The following CROCC2 variants were observed in gnomAD, a reference collection of about 807,000 sequenced individuals.
CROCC2 encodes the protein ciliary rootlet coiled-coil protein 2.
In CROCC2, 163 loss-of-function variants were observed where a neutral mutation model predicts 177.6. The observed-to-expected ratio is 0.92, with a 90% confidence interval of 0.81 to 1.05. CROCC2 has a LOEUF of 1.05. CROCC2 is among the 50% of genes least tolerant of loss of function. The probability of loss-of-function intolerance (pLI) is 0.00; values close to 1 mark genes in which losing one functional copy is unlikely to be tolerated. For missense variants in CROCC2, 1,929 were observed against 1,797.8 expected, an observed-to-expected ratio of 1.07 and a Z score of -1.32; for synonymous variants, 904 against 787.3, an observed-to-expected ratio of 1.15 and a Z score of -2.48.
Position 240,983,145 on chromosome 2 carries a change from A to G in CROCC2, c.4551+116A>G, listed in dbSNP as rs1574797383. On this transcript the variant is annotated intron_variant, in intron 28 of 31. Transcript: ENST00000690015. ...AGTCCCTCAACATGAAGGGAGGCCT[A>G]GAGAGATGCTGGAGGCAGGTGAGCA... The G allele has an allele frequency of 6.3e-6, 7 of 1,109,900 alleles. No homozygotes were observed. In the East Asian group the frequency reaches 1.6e-4, roughly 25 times the overall value. The allele number at this position is 1,109,900 out of a possible 1,614,324, so 68.8% of individuals were successfully genotyped here. A position where few individuals can be genotyped will look rare whatever the true frequency, so the allele number is the denominator to read the frequency against.
chr2:240,959,442 G>C lies in CROCC2; in HGVS notation c.3085G>C (p.Glu1029Gln). 1 of 1,550,204 alleles carries C rather than the reference G, an allele frequency of 6.5e-7. No homozygotes were observed. The highest frequency in any genetic ancestry group is 8.7e-7 in the Non-Finnish European group (1 of 1,146,746). The change falls in exon 20 of 32, where the codon GAG becomes CAG. Residue 1029 changes from glutamate to glutamine, a missense_variant and splice_region_variant. Coordinates refer to ENST00000690015, the MANE Select transcript of CROCC2 (RefSeq NM_001351305.2). ...LAAERGDVER[E>Q]AERLRAQLTV... ...GGCTGAGCGGGGCGATGTGGAGAGA[G>C]AGGTGAGAGGCAGGGCTGGGGGGCT...
At chr2:240,968,038 C>G (rs769868650) in intron 26 of CROCC2, 91 bp from the exon 27 acceptor site, 380 of 1,271,904 alleles carry the variant, frequency 3.0e-4, no homozygotes, top group Non-Finnish European at 3.7e-4. Flanking sequence ...CACGTGGGAG[C>G]CAGTCACTCA....
At chr2:240,963,301 C>G (rs6733049) in intron 20 of CROCC2, 324,730 of 502,054 alleles carry the variant, frequency 0.65, 106,793 homozygotes, top group African/African-American at 0.79. Context: ...GAGGCCGCAG[C>G]GTGGGGCCGG....
chr2:240,961,293 ACT>A (rs1241387521), intron 20 of CROCC2, among the ~76,000 whole-genome samples: 1 of 152,012 alleles, frequency 6.6e-6, no homozygotes, highest in Admixed American at 6.5e-5. Flanking sequence ...TACACTTGAC[ACT>A]CAGAGTGGTG....
intron 27 of CROCC2, 67 bp downstream of exon 27, chr2:240,968,329 C>T: frequency 2.1e-6 from 3 of 1,440,592 alleles, no homozygotes; most frequent in Non-Finnish European, 2.7e-6. Flanking sequence ...CACCCTCACA[C>T]CCTGCAGGGA....
rs774146966 is a variant in CROCC2, at chr2:240,964,525, C to A, written c.3365C>A (p.Ala1122Glu). 1.9e-5 allele frequency: 30 copies of A among 1,549,204 alleles called. No homozygotes were observed. Among genetic ancestry groups the A allele is most frequent in the Non-Finnish European group, 2.6e-5 (30 of 1,146,886 alleles). Residue 1122 changes from alanine (A) to glutamate (E), a missense_variant, in exon 22 of 32, where the codon GCG (alanine) becomes GAG (glutamate). This residue lies in a region of CROCC2 where 1,397 missense variants were observed against 1,239.9 expected (regional missense o/e 1.13). Transcript: ENST00000690015. ...CTGCTCATCCTGGAGGAGGCCCAGG[C>A]GGCGTTGCAGCAGGAGGCCAGTGCA... The part of the protein sequence containing the change: ...QKLLILEEAQ[A>E]ALQQEASALR...
intron 5 of CROCC2, among the ~76,000 whole-genome samples, chr2:240,927,926 C>T (rs1185458431): frequency 6.6e-6 from 1 of 152,256 alleles, no homozygotes; most frequent in Non-Finnish European, 1.5e-5. Context: ...GCTGGGATTA[C>T]AGGCATGAGC....
chr2:240,910,488 T>C (rs897265214), intron 1 of CROCC2, among the ~76,000 whole-genome samples: 9 of 152,228 alleles, frequency 5.9e-5, no homozygotes, highest in Non-Finnish European at 1.3e-4. Flanking sequence ...CTTCTTCCTG[T>C]CTTTTGGATG....
intron 31 of CROCC2, among the ~76,000 whole-genome samples, chr2:240,991,682 G>T (rs1477689565): frequency 1.3e-5 from 2 of 151,822 alleles, no homozygotes; most frequent in Non-Finnish European, 2.9e-5. Flanking sequence ...GCCTGCCCCC[G>T]CCTGGCACCC....
In CROCC2 at chr2:240,934,438, A is replaced by G. The variant is rs2059454461; in HGVS notation, c.1754A>G (p.Glu585Gly). The change falls in exon 12 of 32, where the codon GAG becomes GGG. Residue 585 changes from glutamate (E) to glycine (G), a missense_variant. Glu to Gly is a moderately conservative substitution (Grantham distance 98). This residue lies in a region of CROCC2 where 1,397 missense variants were observed against 1,239.9 expected (regional missense o/e 1.13). Transcript: ENST00000690015. ...GCACAGCTGCAGCGGGATGTCGTGG[A>G]GAGTGAGAGGGAGGGACTGCGCAGC... is the stretch of plus-strand genomic sequence containing the variant. ...STAQLQRDVV[E>G]SEREGLRSAL... The G allele has an allele frequency of 1.9e-6, 3 of 1,548,398 alleles. No individual in the cohort carries two copies. The highest frequency in any genetic ancestry group is 2.6e-6 in the Non-Finnish European group (3 of 1,146,876).
rs1006383232 is a variant in CROCC2 at position 240,948,934 on chromosome 2, A to T, written c.2364-45A>T. ...AAGCTATAGAGAGCATTTTACACGC[A>T]GGATCTTGGGGATGACTTGCCCATT... On this transcript the variant is annotated intron_variant, in intron 15 of 31. Transcript: ENST00000690015. 4.6e-6 allele frequency: 7 copies of T among 1,534,606 alleles called. No individual in the cohort carries two copies. The Admixed American group carries it at 5.9e-5, about 13-fold the overall frequency.
chr2:240,942,379 TAATTAC>T (rs1159568330), intron 14 of CROCC2, among the ~76,000 whole-genome samples: 1 of 152,224 alleles, frequency 6.6e-6, no homozygotes, highest in African/African-American at 2.4e-5. Context: ...TTAAACATAT[TAATTAC>T]AATACTTTTT....
chr2:240,949,766 G>A lies in CROCC2; in HGVS notation c.2652+64G>A. The A allele has an allele frequency of 6.9e-7, 1 of 1,457,026 alleles. No homozygotes were observed. Among genetic ancestry groups the A allele is most frequent in the Non-Finnish European group, 9.2e-7 (1 of 1,088,476 alleles). The allele number at this position is 1,457,026 out of a possible 1,614,324, so 90.3% of individuals were successfully genotyped here. On this transcript the variant is annotated intron_variant, in intron 17 of 31. Coordinates refer to ENST00000690015, the MANE Select transcript of CROCC2 (RefSeq NM_001351305.2). The surrounding 1 kb of genome is among the most constrained non-coding windows in gnomAD (Gnocchi z 4.5). ...GCTACCAGGTCCCGGGGAATGGCAG[G>A]CCCTTGGGAGGAGGGGGCCCTGGGA...
At position 240,920,209 on chromosome 2, in the gene CROCC2, C is replaced by T. The variant is rs1292108352; in HGVS notation, c.381+75C>T. ...CTTCGTGAGGGGTCACTTGTCGGGACGGCAGTCAGAGCCTGGGACCATCGG... is the reference window on the plus strand; with the variant it reads ...CTTCGTGAGGGGTCACTTGTCGGGATGGCAGTCAGAGCCTGGGACCATCGG... On this transcript the variant is annotated intron_variant, in intron 3 of 31. Transcript: ENST00000690015. 32 of 595,990 alleles carry T rather than the reference C, an allele frequency of 5.4e-5. No homozygotes were observed. The East Asian group carries it at 5.8e-4, about 11-fold the overall frequency. The allele number at this position is 595,990 out of a possible 1,614,324, so 36.9% of individuals were successfully genotyped here. A position where few individuals can be genotyped will look rare whatever the true frequency, so the allele number is the denominator to read the frequency against.
chr2:240,933,497 G>A (rs900024688), intron 10 of CROCC2, among the ~76,000 whole-genome samples, 155 bp downstream of exon 10: 12 of 152,300 alleles, frequency 7.9e-5, no homozygotes, highest in Middle Eastern at 3.4e-3. Flanking sequence ...CACCAGTTGA[G>A]CGTGGGCCAG....
At chr2:240,971,154 C>T (rs542472601) in intron 27 of CROCC2, among the ~76,000 whole-genome samples, 1 of 152,198 alleles carries the variant, frequency 6.6e-6, no homozygotes, top group Non-Finnish European at 1.5e-5. Context: ...GTGCCTCACA[C>T]CTCATGGCTC....
In CROCC2 at chr2:240,920,011, G is replaced by A. The variant is rs2059348098; in HGVS notation, c.258G>A (p.Val86=). The A allele has an allele frequency of 1.4e-6, 1 of 716,766 alleles. No individual in the cohort carries two copies. Among genetic ancestry groups the A allele is most frequent in the South Asian group, 1.5e-5 (1 of 67,592 alleles). 44.4% of individuals were successfully genotyped at this position (716,766 alleles called of 1,614,324 possible). A position where few individuals can be genotyped will look rare whatever the true frequency, so the allele number is the denominator to read the frequency against. The change falls in exon 3 of 32, where the codon GTG becomes GTA. Residue 86 remains valine (V), a synonymous_variant. Transcript: ENST00000690015. ...QAGVQEPTAT[V]ARVQEENELL... is the part of the protein sequence containing the mutation. ...GGGTACAGGAGCCGACAGCCACTGTGGCCCGAGTGCAAGAGGAGAACGAGC... is the reference window on the plus strand; with the variant it reads ...GGGTACAGGAGCCGACAGCCACTGTAGCCCGAGTGCAAGAGGAGAACGAGC...
At chr2:240,955,577 G>C (rs531534348) in intron 18 of CROCC2, 8 of 387,654 alleles carry the variant, frequency 2.1e-5, no homozygotes, top group African/African-American at 1.4e-4. Context: ...CAGAGGAAGG[G>C]GAGGATACCC....
Position 240,991,277 on chromosome 2 carries a change from C to G in CROCC2, c.4945C>G (p.His1649Asp). 1.3e-6 allele frequency: 2 copies of G among 1,547,846 alleles called. No homozygotes were observed. Among genetic ancestry groups the G allele is most frequent in the East Asian group, 2.4e-5 (1 of 40,826 alleles). Reference sequence around the variant, plus strand: ...CCTCGGCCAGGCCTTCCAGACAGGACAGTGAGCCCTGCTGCATACCACCCA... The same window carrying G: ...CCTCGGCCAGGCCTTCCAGACAGGAGAGTGAGCCCTGCTGCATACCACCCA... ...AHLGQAFQTG[H>D]AQRD Residue 1649 changes from histidine to aspartate, a missense_variant and splice_region_variant, in exon 31 of 32, where the codon CAC becomes GAC. By Grantham distance (81) the His-to-Asp change is moderately conservative. Coordinates refer to ENST00000690015, the MANE Select transcript of CROCC2 (RefSeq NM_001351305.2).
Sources: allele counts gnomAD v4.1 joint callset (sites outside exome capture counted in the v4.1 genomes callset), GRCh38; gene constraint gnomAD v4.1.1; regional missense constraint gnomAD v4.1.1; non-coding constraint Gnocchi (gnomAD v3.1); transcripts MANE v1.5; gene names NCBI Gene and HGNC (gene_info 2026-07-23, HGNC 2026-07-21).